Variants in SAMD3 observed in about 807,000 individuals in gnomAD.
The protein encoded by SAMD3 is sterile alpha motif domain-containing protein 3.
A neutral mutation model predicts 58.5 loss-of-function variants in SAMD3; 63 were observed. The ratio of observed to expected loss-of-function variants is 1.08; its 90% CI spans 0.88 to 1.33. The LOEUF is 1.33. Ranked by LOEUF, SAMD3 falls within the 40% of genes most tolerant of loss-of-function variation. The pLI is 0.00. For missense variants in SAMD3, 604 were observed against 608.4 expected (o/e 0.99, Z 0.08); for synonymous variants, 220 against 210.3 (o/e 1.05, Z -0.40).
At chr6:130,336,517 T>G (rs2115018458) in intron 1 of SAMD3, among the ~76,000 whole-genome samples, 1 of 152,356 alleles carries the variant, frequency 6.6e-6, no homozygotes. Context: ...GGTTCCATAT[T>G]TATTTTCGTT....
intron 9 of SAMD3, among the ~76,000 whole-genome samples, chr6:130,153,662 A>ATT (rs1554251857): frequency 1.5e-5 from 2 of 131,266 alleles, no homozygotes; most frequent in African/African-American, 5.5e-5. Flanking sequence ...ATATATATAT[A>ATT]TATTTATTTA....
chr6:130,351,642 G>T (rs1311273079), intron 1 of SAMD3, among the ~76,000 whole-genome samples: 1 of 152,166 alleles, frequency 6.6e-6, no homozygotes, highest in African/African-American at 2.4e-5. Context: ...CTGTGAACTA[G>T]TTCACCCATT....
chr6:130,345,344 G>A (rs1480095223), intron 1 of SAMD3, among the ~76,000 whole-genome samples: 1 of 152,170 alleles, frequency 6.6e-6, no homozygotes, highest in African/African-American at 2.4e-5. Context: ...GCAGAAACAA[G>A]CAGCCGCCAT....
At chr6:130,333,963 C>A (rs1411388339) in intron 1 of SAMD3, among the ~76,000 whole-genome samples, 1 of 152,192 alleles carries the variant, frequency 6.6e-6, no homozygotes, top group Non-Finnish European at 1.5e-5. Context: ...TGAGGCTCTG[C>A]CAAGGAGCTA....
intron 2 of SAMD3, among the ~76,000 whole-genome samples, chr6:130,291,367 A>G (rs1469467249): frequency 6.6e-6 from 1 of 152,190 alleles, no homozygotes; most frequent in Non-Finnish European, 1.5e-5. Flanking sequence ...AGCCTTCCAA[A>G]GTGCTGGGAT....
chr6:130,341,481 G>A (rs992125242), intron 1 of SAMD3, among the ~76,000 whole-genome samples: 21 of 152,122 alleles, frequency 1.4e-4, no homozygotes, highest in African/African-American at 4.6e-4. Context: ...ATTAAATGAA[G>A]CTTACTCTAG....
At chr6:130,267,033 C>T (rs775271487) in intron 2 of SAMD3, among the ~76,000 whole-genome samples, 6 of 152,154 alleles carry the variant, frequency 3.9e-5, no homozygotes, top group South Asian at 2.1e-4. Context: ...GAAACTCAGA[C>T]GAGGAATGCT....
chr6:130,343,370 C>T (rs1380024434), intron 1 of SAMD3, among the ~76,000 whole-genome samples: 1 of 152,074 alleles, frequency 6.6e-6, no homozygotes, highest in Non-Finnish European at 1.5e-5. Flanking sequence ...ACAAAAATAA[C>T]ATACTGATGC....
At chr6:130,302,699 T>C (rs1478411728) in intron 2 of SAMD3, among the ~76,000 whole-genome samples, 1 of 152,194 alleles carries the variant, frequency 6.6e-6, no homozygotes, top group Non-Finnish European at 1.5e-5. Context: ...AGTGGTGGGT[T>C]CGACAAGGAA....
intron 2 of SAMD3, among the ~76,000 whole-genome samples, chr6:130,304,226 G>A (rs1214484885): frequency 6.6e-6 from 1 of 152,160 alleles, no homozygotes; most frequent in Non-Finnish European, 1.5e-5. Flanking sequence ...CTGAAGTGCA[G>A]TGATGTGATC....
intron 1 of SAMD3, among the ~76,000 whole-genome samples, chr6:130,331,780 T>G (rs1008103679): frequency 6.6e-6 from 1 of 152,218 alleles, no homozygotes; most frequent in African/African-American, 2.4e-5. Context: ...TAACTAGTTT[T>G]AAAAATGGTA....
chr6:130,279,830 A>G (rs973237987), intron 2 of SAMD3, among the ~76,000 whole-genome samples: 8 of 152,098 alleles, frequency 5.3e-5, no homozygotes, highest in African/African-American at 1.9e-4. Context: ...GTATGTCTTC[A>G]TAGCATTGTG....
chr6:130,307,364 T>C (rs1211215597), intron 2 of SAMD3, among the ~76,000 whole-genome samples: 1 of 152,212 alleles, frequency 6.6e-6, no homozygotes, highest in African/African-American at 2.4e-5. Context: ...CTCTGAAAAA[T>C]TACGTAGCTA....
intron 2 of SAMD3, among the ~76,000 whole-genome samples, chr6:130,243,324 T>C (rs1773428644): frequency 6.6e-6 from 1 of 152,226 alleles, no homozygotes; most frequent in African/African-American, 2.4e-5. Flanking sequence ...CAGACTTTGC[T>C]GAGTCCTTCA....
intron 2 of SAMD3, among the ~76,000 whole-genome samples, chr6:130,267,648 G>T (rs1364374615): frequency 6.6e-6 from 1 of 152,190 alleles, no homozygotes; most frequent in South Asian, 2.1e-4. Context: ...CCAGGCCTGG[G>T]CCTGCCTGAC....
chr6:130,150,358 A>C (rs184590143), intron 9 of SAMD3, among the ~76,000 whole-genome samples: 1 of 152,284 alleles, frequency 6.6e-6, no homozygotes, highest in East Asian at 1.9e-4. Context: ...CATACAGTGC[A>C]GTTTCTTCCA....
At chr6:130,313,818 A>G (rs1359301403) in intron 1 of SAMD3, among the ~76,000 whole-genome samples, 1 of 152,148 alleles carries the variant, frequency 6.6e-6, no homozygotes, top group East Asian at 1.9e-4. Flanking sequence ...TATTTCCAAG[A>G]TTCACCAGAG....
In SAMD3 at chr6:130,148,241, C is replaced by T. The variant is rs76733824; in HGVS notation, c.1024-2060G>A. ...CTATTTTAAGATAGTTTCTTTTCTT[C>T]CACATATATTTACTTACTTATTTCT... On this transcript the variant is annotated intron_variant, in intron 9 of 11. Transcript: ENST00000439090. Among the ~76,000 whole-genome samples, 227 of 152,286 alleles carry T rather than the reference C, an allele frequency of 1.5e-3. 9 individuals are homozygous for T. The East Asian group carries it at 0.038, about 25-fold the overall frequency.
At chr6:130,223,145 GAAGA>G (rs1388023588), upstream of SAMD3, among the ~76,000 whole-genome samples, 7 of 152,072 alleles carry the variant, frequency 4.6e-5, no homozygotes, top group Non-Finnish European at 1.0e-4. Flanking sequence ...TAAGCTCCTA[GAAGA>G]AATAACACTA....
Sources: allele counts gnomAD v4.1 joint callset (sites outside exome capture counted in the v4.1 genomes callset), GRCh38; gene constraint gnomAD v4.1.1; transcripts MANE v1.5; gene names NCBI Gene and HGNC (gene_info 2026-07-23, HGNC 2026-07-21).